SDK1: variants seen among roughly 807,000 people sequenced by gnomAD.
The protein encoded by SDK1 is sidekick cell adhesion molecule 1.
Under a neutral mutation model 245.5 loss-of-function variants are expected in SDK1, and 157 were observed. The ratio of observed to expected loss-of-function variants is 0.64; its 90% CI spans 0.56 to 0.73. The LOEUF (loss-of-function observed/expected upper bound fraction) is 0.73, where lower values mean the gene tolerates loss of function less well. Among genes scored for constraint, SDK1 ranks in the 30% least tolerant of loss-of-function variants. The pLI is 0.00. For missense variants in SDK1, 3,583 were observed against 3,002.3 expected (o/e 1.19, Z -4.52); for synonymous variants, 1,647 against 1,278.5 (o/e 1.29, Z -6.15).
intron 2 of SDK1, among the ~76,000 whole-genome samples, chr7:3,630,098 A>G (rs1782244772): frequency 6.6e-6 from 1 of 152,232 alleles, no homozygotes; most frequent in African/African-American, 2.4e-5. Flanking sequence ...GATAGAAAAA[A>G]AATCAAACAT....
In SDK1 at chr7:3,957,755, A is replaced by C. The variant is rs549522228; in HGVS notation, c.1151-1176A>C. ...AAATGGGGGATGTATGAGTTGTGCA[A>C]TGAAGATGAGCTTGAAAAAGGTAGA... On this transcript the variant is annotated intron_variant, in intron 7 of 44. Coordinates refer to ENST00000404826, the MANE Select transcript of SDK1 (RefSeq NM_152744.4). 1.7e-3 allele frequency among the ~76,000 whole-genome samples: 253 copies of C among 152,350 alleles called. 1 individual carries two copies. The highest frequency in any genetic ancestry group is 5.9e-3 in the African/African-American group (247 of 41,584).
chr7:3,960,307 T>C (rs1781580099), intron 8 of SDK1, among the ~76,000 whole-genome samples: 1 of 152,218 alleles, frequency 6.6e-6, no homozygotes, highest in Non-Finnish European at 1.5e-5. Context: ...CTAACTTACC[T>C]AGGTCCACAT....
intron 5 of SDK1, among the ~76,000 whole-genome samples, chr7:3,945,912 AAAAAAAAAAAAAAAAAAAAAAG>A (rs1780558580): frequency 8.0e-6 from 1 of 124,752 alleles, no homozygotes; most frequent in Non-Finnish European, 1.6e-5. Context: ...AAAAAAAAAA[AAAAAAAAAAAAAAAAAAAAAAG>A]ATAAAGTTTG....
chr7:3,303,867 A>T (rs1370659488), intron 1 of SDK1, among the ~76,000 whole-genome samples: 2 of 152,202 alleles, frequency 1.3e-5, no homozygotes, highest in Non-Finnish European at 2.9e-5. Context: ...TTCTGATGGG[A>T]TGATGAGTTG....
At chr7:4,251,791 C>A (rs986244525) in intron 44 of SDK1, among the ~76,000 whole-genome samples, 1 of 152,364 alleles carries the variant, frequency 6.6e-6, no homozygotes, top group Admixed American at 6.5e-5. Flanking sequence ...CTAGTGGTCT[C>A]AGACCTGCTC....
At position 4,026,582 on chromosome 7, in the gene SDK1, GA is replaced by G. The variant is rs917835882; in HGVS notation, c.2602+9239del. 3.3e-5 allele frequency among the ~76,000 whole-genome samples: 5 copies of G among 150,080 alleles called. No homozygotes were observed. The highest frequency in any genetic ancestry group is 6.6e-5 in the Admixed American group (1 of 15,082). On this transcript the variant is annotated intron_variant, in intron 17 of 44. Transcript: ENST00000404826. The surrounding 1 kb of genome is among the most constrained non-coding windows in gnomAD (Gnocchi z 4.1). ...TCAATGCCTGGCAAGTAAAGATTTG[GA>G]AAAAAAAATAAGTTCAGAAAGGAAC...
At chr7:4,114,914 G>C (rs1783600929) in intron 25 of SDK1, among the ~76,000 whole-genome samples, 1 of 152,164 alleles carries the variant, frequency 6.6e-6, no homozygotes, top group African/African-American at 2.4e-5. Flanking sequence ...TCATCTTCTT[G>C]GGGCTCAGTC....
At chr7:3,653,692 G>A (rs1783075177) in intron 4 of SDK1, among the ~76,000 whole-genome samples, 1 of 152,188 alleles carries the variant, frequency 6.6e-6, no homozygotes, top group Non-Finnish European at 1.5e-5. Flanking sequence ...TTGGAAGGTG[G>A]AAGAGGAGAA....
At chr7:3,871,297 A>G (rs1044330164) in intron 5 of SDK1, among the ~76,000 whole-genome samples, 2 of 152,072 alleles carry the variant, frequency 1.3e-5, no homozygotes, top group Non-Finnish European at 2.9e-5. Context: ...CTCATTTATT[A>G]TTTACAGAAG....
intron 17 of SDK1, among the ~76,000 whole-genome samples, chr7:4,024,612 C>A (rs75209928): frequency 8.5e-5 from 13 of 152,178 alleles, no homozygotes; most frequent in African/African-American, 3.1e-4. Flanking sequence ...CACGTCCTTA[C>A]ATTCACTGTC....
intron 44 of SDK1, among the ~76,000 whole-genome samples, chr7:4,258,129 C>T (rs1424309465): frequency 6.6e-6 from 1 of 152,188 alleles, no homozygotes; most frequent in East Asian, 1.9e-4. Context: ...GAGGAAACAT[C>T]AGGATACATA....
chr7:4,215,399 G>A (rs773586828), intron 38 of SDK1, among the ~76,000 whole-genome samples: 10 of 152,352 alleles, frequency 6.6e-5, no homozygotes, highest in Non-Finnish European at 1.0e-4. Context: ...TTCAGCCAGC[G>A]GGACAATAGC....
At chr7:4,129,857 C>T in intron 26 of SDK1, 51 bp from the exon 27 acceptor site, 1 of 1,605,418 alleles carries the variant, frequency 6.2e-7, no homozygotes, top group South Asian at 1.1e-5. Context: ...CCACGGCGGT[C>T]CCTCCTGGCA....
intron 32 of SDK1, among the ~76,000 whole-genome samples, 168 bp from the exon 33 acceptor site, chr7:4,174,054 G>A (rs1355786717): frequency 2.0e-5 from 3 of 152,224 alleles, no homozygotes; most frequent in African/African-American, 4.8e-5. Flanking sequence ...TTGGTGCTGT[G>A]CCCTGGGAGC....
intron 2 of SDK1, among the ~76,000 whole-genome samples, chr7:3,637,458 T>C (rs1782495520): frequency 6.6e-6 from 1 of 152,210 alleles, no homozygotes; most frequent in Admixed American, 6.5e-5. Context: ...ACTCTTAATT[T>C]GTCTGTGAAC....
chr7:3,449,940 G>A (rs1366168943), intron 1 of SDK1, among the ~76,000 whole-genome samples: 3 of 152,174 alleles, frequency 2.0e-5, no homozygotes, highest in Non-Finnish European at 4.4e-5. Flanking sequence ...CCATGAAAAC[G>A]TAGAGGGGAA....
At chr7:4,095,245 CATCTGAGCTCTTCCTCAGCTCCCCCAT>C (rs1170690432) in intron 22 of SDK1, among the ~76,000 whole-genome samples, 27 of 130,300 alleles carry the variant, frequency 2.1e-4, no homozygotes, top group South Asian at 5.7e-4. Flanking sequence ...AGCTCCCCCA[CATCTGAGCTCTTCCTCAGCTCCCCCAT>C]ATCTGAGGTC....
intron 1 of SDK1, among the ~76,000 whole-genome samples, chr7:3,420,883 A>G (rs567071083): frequency 1.6e-4 from 24 of 152,190 alleles, no homozygotes; most frequent in African/African-American, 5.1e-4. Context: ...TGCATTAGCT[A>G]TTTATCCTGA....
chr7:3,717,423 C>A (rs566355609), intron 4 of SDK1, among the ~76,000 whole-genome samples: 30 of 152,198 alleles, frequency 2.0e-4, no homozygotes, highest in Admixed American at 1.8e-3. Flanking sequence ...CATAATTTGG[C>A]AGATGCAACT....
Sources: allele counts gnomAD v4.1 joint callset (sites outside exome capture counted in the v4.1 genomes callset), GRCh38; gene constraint gnomAD v4.1.1; non-coding constraint Gnocchi (gnomAD v3.1); transcripts MANE v1.5; gene names NCBI Gene and HGNC (gene_info 2026-07-23, HGNC 2026-07-21).